CDK14: variants seen among roughly 807,000 people sequenced by gnomAD.
The protein encoded by CDK14 is cyclin-dependent kinase 14.
A neutral mutation model predicts 60.7 loss-of-function variants in CDK14; 34 were observed. The ratio of observed to expected loss-of-function variants is 0.56; its 90% confidence interval spans 0.43 to 0.75. The LOEUF (loss-of-function observed/expected upper bound fraction) is 0.75. CDK14 is among the 30% of genes least tolerant of loss of function. The pLI is 0.00. For missense variants in CDK14, 482 were observed against 564.1 expected, an observed-to-expected ratio of 0.85 and a Z score of 1.47; for synonymous variants, 197 against 203.7, an observed-to-expected ratio of 0.97 and a Z score of 0.28.
intron 4 of CDK14, among the ~76,000 whole-genome samples, chr7:90,763,744 A>G (rs1238110751): frequency 2.0e-5 from 3 of 152,136 alleles, no homozygotes; most frequent in African/African-American, 7.2e-5. Flanking sequence ...CAGCAAACCA[A>G]CACAGCACAT....
At chr7:90,619,659 A>G (rs1178425066) in intron 2 of CDK14, among the ~76,000 whole-genome samples, 3 of 152,150 alleles carry the variant, frequency 2.0e-5, no homozygotes, top group Non-Finnish European at 4.4e-5. Context: ...CGTTATGTTT[A>G]ATTATTTGAA....
At chr7:91,200,419 G>T (rs759826492) in intron 14 of CDK14, among the ~76,000 whole-genome samples, 2 of 152,160 alleles carry the variant, frequency 1.3e-5, no homozygotes, top group Non-Finnish European at 2.9e-5. Context: ...AAAACAATTT[G>T]TTTGTTTTTC....
intron 11 of CDK14, among the ~76,000 whole-genome samples, chr7:91,049,482 A>T (rs531352462): frequency 6.6e-6 from 1 of 152,150 alleles, no homozygotes. Flanking sequence ...TCAGCCTCCT[A>T]AAGTGCTGGG....
chr7:90,642,781 A>G (rs1800369408), intron 2 of CDK14, among the ~76,000 whole-genome samples: 1 of 152,102 alleles, frequency 6.6e-6, no homozygotes, highest in Non-Finnish European at 1.5e-5. Flanking sequence ...ACTGTTAACT[A>G]TATAATTTGT....
intron 14 of CDK14, among the ~76,000 whole-genome samples, chr7:91,139,726 T>A (rs1800389195): frequency 6.6e-6 from 1 of 152,188 alleles, no homozygotes; most frequent in Admixed American, 6.5e-5. Flanking sequence ...TTGGTTTTCT[T>A]TACTAGGGAG....
rs147850820 is a variant in CDK14 at position 91,039,687 on chromosome 7, T to C, written c.1042-6210T>C. On this transcript the variant is annotated intron_variant, in intron 10 of 14. Coordinates refer to ENST00000380050, the MANE Select transcript of CDK14 (RefSeq NM_001287135.2). ...TTTGCTCTCTTTGGTCATTTCCATC[T>C]GTCCTTGGCCACTCTTATAATTTCC... Among the ~76,000 whole-genome samples the C allele has an allele frequency of 5.3e-5, 8 of 152,356 alleles. No homozygotes were observed. The East Asian group carries it at 1.5e-3, about 29-fold the overall frequency.
At chr7:90,849,766 CT>C (rs1446762959) in intron 5 of CDK14, among the ~76,000 whole-genome samples, 1 of 151,992 alleles carries the variant, frequency 6.6e-6, no homozygotes, top group Non-Finnish European at 1.5e-5. Context: ...TTAAAAAATA[CT>C]GCACAGGGTA....
At chr7:91,168,011 C>T (rs533251372) in intron 14 of CDK14, among the ~76,000 whole-genome samples, 1 of 152,246 alleles carries the variant, frequency 6.6e-6, no homozygotes, top group East Asian at 1.9e-4. Context: ...TGCCTGTAAT[C>T]CCAGCACTTT....
At chr7:91,013,301 C>T (rs1466825848) in intron 10 of CDK14, among the ~76,000 whole-genome samples, 1 of 152,206 alleles carries the variant, frequency 6.6e-6, no homozygotes, top group Non-Finnish European at 1.5e-5. Flanking sequence ...GTATTAAACT[C>T]ATCTATTTTC....
At chr7:91,074,175 C>T (rs750121961) in intron 11 of CDK14, among the ~76,000 whole-genome samples, 3 of 152,298 alleles carry the variant, frequency 2.0e-5, no homozygotes, top group Admixed American at 6.5e-5. Flanking sequence ...GAACTCTCCA[C>T]CCCAAATCCA....
intron 11 of CDK14, among the ~76,000 whole-genome samples, chr7:91,068,145 A>G (rs1015890380): frequency 1.1e-4 from 17 of 152,222 alleles, no homozygotes; most frequent in African/African-American, 4.1e-4. Context: ...TTAAATTCCT[A>G]TTCTACACCA....
chr7:90,948,026 A>G (rs1339229269), intron 8 of CDK14, among the ~76,000 whole-genome samples: 3 of 152,210 alleles, frequency 2.0e-5, no homozygotes, highest in Non-Finnish European at 2.9e-5. Context: ...TGTTTTGAGT[A>G]TATATTAATT....
At chr7:90,923,300 A>G (rs540402421) in intron 8 of CDK14, among the ~76,000 whole-genome samples, 2 of 152,046 alleles carry the variant, frequency 1.3e-5, no homozygotes, top group Non-Finnish European at 2.9e-5. Context: ...TAGTAGAGAC[A>G]GGGTTTCACC....
At chr7:91,171,837 TG>T (rs1307769466) in intron 14 of CDK14, among the ~76,000 whole-genome samples, 3 of 152,048 alleles carry the variant, frequency 2.0e-5, no homozygotes, top group Non-Finnish European at 4.4e-5. Flanking sequence ...AGCAGAGACC[TG>T]GTTTCACCAT....
At chr7:90,701,033 C>G (rs1182529337) in intron 2 of CDK14, among the ~76,000 whole-genome samples, 1 of 152,186 alleles carries the variant, frequency 6.6e-6, no homozygotes, top group East Asian at 1.9e-4. Context: ...TTTACATATT[C>G]CACAAATCCC....
intron 2 of CDK14, among the ~76,000 whole-genome samples, chr7:90,692,896 A>G (rs111763905): frequency 6.6e-6 from 1 of 152,040 alleles, no homozygotes; most frequent in African/African-American, 2.4e-5. Context: ...CTGATGAGAA[A>G]GAAAAACTGC....
intron 8 of CDK14, among the ~76,000 whole-genome samples, chr7:90,949,293 C>T (rs1483947962): frequency 5.9e-5 from 9 of 152,078 alleles, no homozygotes; most frequent in South Asian, 2.1e-4. Flanking sequence ...ACTGCACCTC[C>T]GGGGTTTAAG....
chr7:91,054,913 C>A (rs923959430), intron 11 of CDK14, among the ~76,000 whole-genome samples: 2 of 152,108 alleles, frequency 1.3e-5, no homozygotes, highest in African/African-American at 4.8e-5. Context: ...TGAGTGGAAT[C>A]ATCGGAGGGT....
chr7:90,935,486 A>G (rs1241877288), intron 8 of CDK14, among the ~76,000 whole-genome samples: 1 of 152,232 alleles, frequency 6.6e-6, no homozygotes, highest in East Asian at 1.9e-4. Context: ...GTTATTTTCA[A>G]GATGTATTCA....
Sources: gnomAD v4.1 joint callset for allele counts (sites outside exome capture counted in the v4.1 genomes callset) on GRCh38, gnomAD v4.1.1 for gene constraint, MANE v1.5 for transcripts, NCBI Gene and HGNC (gene_info 2026-07-23, HGNC 2026-07-21) for gene names.